The following DSCAM variants were observed in gnomAD, a reference collection of about 807,000 sequenced individuals.
The protein encoded by DSCAM is DS cell adhesion molecule.
Under a neutral mutation model 217.7 loss-of-function variants are expected in DSCAM, and 47 were observed. That is an observed-to-expected ratio of 0.22 (90% CI 0.17 to 0.28). DSCAM has a LOEUF of 0.28. Ranked by LOEUF, DSCAM falls within the 10% of genes least tolerant of loss-of-function variation. The pLI, the probability that DSCAM is intolerant of heterozygous loss-of-function variation, is 1.00. For synonymous variants in DSCAM, 1,056 were observed against 1,015.3 expected (o/e 1.04, Z -0.76); for missense variants, 2,080 against 2,618.3 (o/e 0.79, Z 4.49).
At chr21:40,518,207 G>C (rs140291231) in intron 3 of DSCAM, among the ~76,000 whole-genome samples, 114 of 145,198 alleles carry the variant, frequency 7.9e-4, no homozygotes, top group Non-Finnish European at 1.4e-3. Context: ...ATGGACCCTT[G>C]AGTTCTGACC....
intron 1 of DSCAM, among the ~76,000 whole-genome samples, chr21:40,766,526 G>C (rs2091391345): frequency 6.6e-6 from 1 of 151,706 alleles, no homozygotes; most frequent in South Asian, 2.1e-4. Flanking sequence ...TTTCCCCTGG[G>C]AGTTTTACTG....
Position 40,368,014 on chromosome 21 carries a change from AC to A in DSCAM, c.655+1084del, listed in dbSNP as rs1472754022. On this transcript the variant is annotated intron_variant, in intron 4 of 32. Transcript: ENST00000400454. ...CCCTGAGAGATACATTTAAAAATCA[AC>A]ACTTGATGATTCAGCATGAAGATAA... Among the ~76,000 whole-genome samples the A allele has an allele frequency of 2.6e-5, 4 of 152,350 alleles. No homozygotes were observed. In the East Asian group the frequency reaches 7.7e-4, roughly 29 times the overall value.
chr21:40,062,775 C>A, intron 28 of DSCAM, 94 bp downstream of exon 28: 2 of 1,182,570 alleles, frequency 1.7e-6, no homozygotes, highest in South Asian at 3.3e-5. Context: ...TTATCAATTT[C>A]AGACTGCCAT....
At chr21:40,338,076 T>G (rs918368723) in intron 8 of DSCAM, 25 bp downstream of exon 8, 1 of 1,609,434 alleles carries the variant, frequency 6.2e-7, no homozygotes, top group African/African-American at 1.3e-5. Flanking sequence ...ATGAGTTGTG[T>G]GGGAACCAGG....
intron 3 of DSCAM, among the ~76,000 whole-genome samples, chr21:40,397,354 G>T (rs1029458019): frequency 1.3e-5 from 2 of 151,872 alleles, no homozygotes; most frequent in African/African-American, 4.8e-5. Flanking sequence ...GAGTTCACAC[G>T]AGATCTTGTC....
intron 30 of DSCAM, among the ~76,000 whole-genome samples, chr21:40,046,384 A>G (rs949876676): frequency 2.0e-5 from 3 of 151,980 alleles, no homozygotes; most frequent in African/African-American, 7.3e-5. Context: ...GACACATTTC[A>G]TCCCTTACTT....
At chr21:40,719,529 C>A (rs887129917) in intron 1 of DSCAM, among the ~76,000 whole-genome samples, 1 of 152,204 alleles carries the variant, frequency 6.6e-6, no homozygotes, top group Non-Finnish European at 1.5e-5. Context: ...CACGTTGTAA[C>A]AGTCACAAAC....
rs1190008902 is a variant in DSCAM at position 40,498,725 on chromosome 21, ATGGGTGTGTG to A, written c.509-129490_509-129481del. On this transcript the variant is annotated intron_variant, in intron 3 of 32. Transcript: ENST00000400454. ...TATATATATATGGGTGTATATATATATGGGTGTGTGTATATATATATATATATATATGGGT... is the reference window on the plus strand; with the variant it reads ...TATATATATATGGGTGTATATATATATATATATATATATATATATATGGGT... 2.3e-3 allele frequency among the ~76,000 whole-genome samples: 50 copies of A among 21,870 alleles called. 2 individuals are homozygous for A. Among genetic ancestry groups the A allele is most frequent in the African/African-American group, 8.2e-3 (44 of 5,372 alleles). The allele number at this position is 21,870 out of a possible 152,430, so 14.3% of individuals were successfully genotyped here.
chr21:40,119,130 T>G (rs1195271331), intron 20 of DSCAM, among the ~76,000 whole-genome samples: 1 of 152,172 alleles, frequency 6.6e-6, no homozygotes, highest in Non-Finnish European at 1.5e-5. Flanking sequence ...CATTGGTTGT[T>G]GTATGGTTGT....
chr21:40,651,909 A>G (rs1190232158), intron 3 of DSCAM, among the ~76,000 whole-genome samples: 1 of 152,312 alleles, frequency 6.6e-6, no homozygotes, highest in East Asian at 1.9e-4. Flanking sequence ...ACTTCTGGGA[A>G]AGGATTTCCT....
At chr21:40,197,710 T>C (rs1483432424) in intron 11 of DSCAM, among the ~76,000 whole-genome samples, 1 of 152,288 alleles carries the variant, frequency 6.6e-6, no homozygotes, top group South Asian at 2.1e-4. Context: ...AACGCATCTG[T>C]CCTTCTGTCC....
intron 1 of DSCAM, among the ~76,000 whole-genome samples, chr21:40,809,328 GAAAGT>G (rs2123534494): frequency 6.6e-6 from 1 of 152,306 alleles, no homozygotes; most frequent in Non-Finnish European, 1.5e-5. Flanking sequence ...GATCTATAAA[GAAAGT>G]AGACAGAAGC....
intron 20 of DSCAM, among the ~76,000 whole-genome samples, chr21:40,104,768 C>T (rs768786266): frequency 1.3e-4 from 19 of 151,898 alleles, no homozygotes; most frequent in African/African-American, 3.6e-4. Flanking sequence ...TGGGGGATGT[C>T]GATAGTGGGG....
intron 1 of DSCAM, among the ~76,000 whole-genome samples, chr21:40,831,318 CAG>C (rs2092010554): frequency 6.8e-6 from 1 of 146,678 alleles, no homozygotes; most frequent in South Asian, 2.2e-4. Flanking sequence ...CACACACACA[CAG>C]GCACACACAG....
chr21:40,512,745 C>T (rs1388163831), intron 3 of DSCAM, among the ~76,000 whole-genome samples: 1 of 152,098 alleles, frequency 6.6e-6, no homozygotes, highest in Middle Eastern at 3.4e-3. Context: ...CTCTGACCTC[C>T]CTCGTTCACA....
chr21:40,436,572 C>A (rs935107653), intron 3 of DSCAM, among the ~76,000 whole-genome samples: 2 of 151,966 alleles, frequency 1.3e-5, no homozygotes, highest in African/African-American at 4.8e-5. Context: ...TCTTATTGAC[C>A]CAGATGACAG....
At chr21:40,397,217 C>A (rs1413608013) in intron 3 of DSCAM, among the ~76,000 whole-genome samples, 1 of 152,078 alleles carries the variant, frequency 6.6e-6, no homozygotes, top group Non-Finnish European at 1.5e-5. Flanking sequence ...GTGTCCCTGC[C>A]AAATCTCATG....
rs1275143790 is a variant in DSCAM at position 40,846,761 on chromosome 21, G to GCCGCCGCCCGC, written c.-111_-101dup. On this transcript the variant is annotated 5_prime_UTR_variant, in exon 1 of 33. Coordinates refer to ENST00000400454, the MANE Select transcript of DSCAM (RefSeq NM_001389.5). ...CTCGCCGCTCGGCACCTGCCCGGGG[G>GCCGCCGCCCGC]CCGCCGCCCGCCCGCCGCCCGCCGC... 7.5e-5 allele frequency: 34 copies of GCCGCCGCCCGC among 452,398 alleles called. No individual in the cohort carries two copies. The highest frequency in any genetic ancestry group is 1.1e-3 in the Middle Eastern group (1 of 912). The allele number at this position is 452,398 out of a possible 1,614,324, so 28.0% of individuals were successfully genotyped here.
intron 1 of DSCAM, among the ~76,000 whole-genome samples, chr21:40,731,929 G>A (rs944013441): frequency 2.0e-5 from 3 of 152,040 alleles, no homozygotes; most frequent in South Asian, 2.1e-4. Flanking sequence ...GTTTTATCAC[G>A]TTGGCCCGGC....
Sources: gnomAD v4.1 joint callset for allele counts (sites outside exome capture counted in the v4.1 genomes callset) on GRCh38, gnomAD v4.1.1 for gene constraint, MANE v1.5 for transcripts, NCBI Gene and HGNC (gene_info 2026-07-23, HGNC 2026-07-21) for gene names.